The following RSRP1 variants were observed in gnomAD, a reference collection of about 807,000 sequenced individuals.
RSRP1 encodes the protein arginine/serine-rich protein 1.
A neutral mutation model predicts 33.0 loss-of-function variants in RSRP1; 37 were observed. That is an observed-to-expected ratio of 1.12 (90% CI 0.86 to 1.48). The LOEUF is 1.48. Among genes scored for constraint, RSRP1 ranks in the 40% most tolerant of loss-of-function variants. RSRP1 has a pLI of 0.00. For missense variants in RSRP1, 402 were observed against 385.3 expected, an observed-to-expected ratio of 1.04 and a Z score of -0.36; for synonymous variants, 167 against 158.7, an observed-to-expected ratio of 1.05 and a Z score of -0.40.
intron 1 of RSRP1, among the ~76,000 whole-genome samples, chr1:25,305,970 G>A (rs1643795455): frequency 7.6e-6 from 1 of 132,086 alleles, no homozygotes; most frequent in African/African-American, 2.6e-5. Flanking sequence ...TTGCATATGT[G>A]TCCACATCTG....
In RSRP1 at chr1:25,245,132, C is replaced by T; in HGVS notation, c.672+18G>A. 6 of 1,614,164 alleles carry T rather than the reference C, an allele frequency of 3.7e-6. No homozygotes were observed. The highest frequency in any genetic ancestry group is 4.2e-6 in the Non-Finnish European group (5 of 1,180,028). ...TGGCTTTCTGAAAGTTTTGTTCCGA[C>T]AAACCTAGAATACTTACTTCAGGCT... is the stretch of plus-strand genomic sequence containing the variant. On this transcript the variant is annotated intron_variant, in intron 3 of 4. Transcript: ENST00000243189.
chr1:25,262,654 T>G lies in RSRP1; in HGVS notation c.-66-15625A>C, dbSNP rs533531052. 8.5e-5 allele frequency among the ~76,000 whole-genome samples: 13 copies of G among 152,248 alleles called. No homozygotes were observed. The South Asian group carries it at 2.7e-3, about 32-fold the overall frequency. On this transcript the variant is annotated intron_variant, in intron 1 of 1. Transcript: ENST00000561867. ...AAAGCCTCAGAATCAGGAAAGCTGA[T>G]GATATAATTCTTAGCCCAAAGGCCT...
Position 25,276,524 on chromosome 1 carries a change from C to CG in RSRP1, c.-66-29496_-66-29495insC, listed in dbSNP as rs1553137917. Among the ~76,000 whole-genome samples, 30 of 56,922 alleles carry CG rather than the reference C, an allele frequency of 5.3e-4. 5 individuals carry two copies. The highest frequency in any genetic ancestry group is 2.3e-3 in the Admixed American group (13 of 5,574). 37.3% of individuals were successfully genotyped at this position (56,922 alleles called of 152,430 possible). ...CCTAGGAAACATAGGGAGACCCCCC[C>CG]CCATCTCTAAAAAAAAAAAAAAAAA... On this transcript the variant is annotated intron_variant, in intron 1 of 1. Coordinates refer to the RSRP1 transcript ENST00000561867.
At position 25,244,176 on chromosome 1, in the gene RSRP1, C is replaced by G. The variant is rs1428250301; in HGVS notation, c.673-543G>C. On this transcript the variant is annotated intron_variant, in intron 3 of 4. Transcript: ENST00000243189. ...CACATTTCTGGAGAATTATAATAAACTTATCTGCAAGTGAAGCAGGCCTCC... is the reference window on the plus strand; with the variant it reads ...CACATTTCTGGAGAATTATAATAAAGTTATCTGCAAGTGAAGCAGGCCTCC... The G allele has an allele frequency of 3.1e-6, 4 of 1,288,536 alleles. 1 individual carries two copies. Among genetic ancestry groups the G allele is most frequent in the Admixed American group, 4.6e-5 (2 of 43,396 alleles). The allele number at this position is 1,288,536 out of a possible 1,614,324, so 79.8% of individuals were successfully genotyped here. A position where few individuals can be genotyped will look rare whatever the true frequency, so the allele number is the denominator to read the frequency against.
chr1:25,246,741 T>C lies in RSRP1; in HGVS notation c.223A>G (p.Arg75Gly). Reference sequence around the variant, plus strand: ...CGCGAGTATGACCGCGAGTAGCGCCTGTACTTCCGCTGGTGGCGCCTTCGG... The same window carrying C: ...CGCGAGTATGACCGCGAGTAGCGCCCGTACTTCCGCTGGTGGCGCCTTCGG... ...RSRRRHQRKY[R>G]RYSRSYSRSR... Residue 75 changes from arginine (R) to glycine (G), a missense_variant, in exon 2 of 5, where the codon AGG (arginine) becomes GGG (glycine). Coordinates refer to ENST00000243189, the MANE Select transcript of RSRP1 (RefSeq NM_020317.5). 1 of 1,609,482 alleles carries C rather than the reference T, an allele frequency of 6.2e-7. No individual in the cohort carries two copies. Among genetic ancestry groups the C allele is most frequent in the Non-Finnish European group, 8.5e-7 (1 of 1,176,782 alleles).
In RSRP1 at chr1:25,329,037, C is replaced by T. The variant is rs760501886; in HGVS notation, c.-67+8941G>A. On this transcript the variant is annotated intron_variant, in intron 1 of 1. Coordinates refer to the RSRP1 transcript ENST00000561867. Reference sequence around the variant, plus strand: ...ATGACAGCAAAGTCTCCAATGTTCGCGCAGGCACTGGAGTCAGAGAAAATG... The same window carrying T: ...ATGACAGCAAAGTCTCCAATGTTCGTGCAGGCACTGGAGTCAGAGAAAATG... The T allele has an allele frequency of 5.8e-6, 8 of 1,376,870 alleles. 1 individual carries two copies. The highest frequency in any genetic ancestry group is 7.2e-6 in the Non-Finnish European group (7 of 977,538). The allele number at this position is 1,376,870 out of a possible 1,614,324, so 85.3% of individuals were successfully genotyped here.
intron 1 of RSRP1, among the ~76,000 whole-genome samples, chr1:25,309,583 T>C (rs1644031948): frequency 7.6e-6 from 1 of 132,322 alleles, no homozygotes; most frequent in East Asian, 1.9e-4. Flanking sequence ...TTTAATAGCA[T>C]CTCTGGAATG....
rs1290310025 is a variant in RSRP1, at chr1:25,274,094, A to C, written c.-66-27065T>G. Among the ~76,000 whole-genome samples, 3 of 132,850 alleles carry C rather than the reference A, an allele frequency of 2.3e-5. 1 individual carries two copies. The highest frequency in any genetic ancestry group is 5.4e-5 in the Non-Finnish European group (3 of 56,036). The allele number at this position is 132,850 out of a possible 152,430, so 87.2% of individuals were successfully genotyped here. On this transcript the variant is annotated intron_variant, in intron 1 of 1. Transcript: ENST00000561867. ...GACATCCAATGTGGGATCCAGACTC[A>C]TGATGATTAGAGCTGATATTTATGA...
At chr1:25,301,159 G>T (rs1248930002) in intron 1 of RSRP1, 2 of 1,311,836 alleles carry the variant, frequency 1.5e-6, no homozygotes, top group East Asian at 4.5e-5. Flanking sequence ...AAAAGGCTCT[G>T]GCTGAAAAAA....
In RSRP1 at chr1:25,307,731, TG is replaced by T. The variant is rs1394011240; in HGVS notation, c.-67+30246del. ...GTTTGGACGTGTCTCAGAGAAATCA[TG>T]GAGGCGCTGCGGTTCCTACCGGTTC... On this transcript the variant is annotated intron_variant, in intron 1 of 1. Transcript: ENST00000561867. The T allele has an allele frequency of 1.2e-5, 16 of 1,308,086 alleles. 4 individuals carry two copies. The Admixed American group carries it at 1.3e-4, about 10-fold the overall frequency. 81.0% of individuals were successfully genotyped at this position (1,308,086 alleles called of 1,614,324 possible).
rs71712758 is a variant in RSRP1, at chr1:25,257,597, A to ATTT, written c.-66-10571_-66-10569dup. On this transcript the variant is annotated intron_variant, in intron 1 of 1. Transcript: ENST00000561867. ...TTGGAAAATAAGGCTGGAGATGCAG[A>ATTT]TTTTTTTTTTTTTTTTTTTTTGAGT... is the stretch of plus-strand genomic sequence containing the variant. Among the ~76,000 whole-genome samples, 450 of 131,212 alleles carry ATTT rather than the reference A, an allele frequency of 3.4e-3. 7 individuals are homozygous for ATTT. Among genetic ancestry groups the ATTT allele is most frequent in the African/African-American group, 0.013 (429 of 34,240 alleles). 86.1% of individuals were successfully genotyped at this position (131,212 alleles called of 152,430 possible). A position where few individuals can be genotyped will look rare whatever the true frequency, so the allele number is the denominator to read the frequency against.
intron 1 of RSRP1, among the ~76,000 whole-genome samples, chr1:25,260,850 T>A (rs2124562133): frequency 1.3e-5 from 2 of 150,868 alleles, no homozygotes; most frequent in Admixed American, 1.3e-4. Flanking sequence ...CAGGCTGGAG[T>A]GCAGTGGCCC....
intron 1 of RSRP1, among the ~76,000 whole-genome samples, chr1:25,317,895 G>T (rs559156565): frequency 8.6e-6 from 1 of 115,958 alleles, no homozygotes; most frequent in East Asian, 2.0e-4. Flanking sequence ...GTGAGGAGCA[G>T]GCCCTTATAA....
chr1:25,333,991 GC>G (rs1353441183), intron 1 of RSRP1, among the ~76,000 whole-genome samples: 1 of 125,298 alleles, frequency 8.0e-6, no homozygotes, highest in Non-Finnish European at 1.9e-5. Context: ...TCCACCCATG[GC>G]CCCTCCCAAA....
At chr1:25,256,877 C>T (rs1639966300) in intron 1 of RSRP1, among the ~76,000 whole-genome samples, 1 of 152,160 alleles carries the variant, frequency 6.6e-6, no homozygotes, top group African/African-American at 2.4e-5. Context: ...TGAGTCCACT[C>T]ACTTGAACAG....
At chr1:25,250,632 T>C (rs566901341), upstream of RSRP1, among the ~76,000 whole-genome samples, 3 of 152,246 alleles carry the variant, frequency 2.0e-5, no homozygotes, top group Non-Finnish European at 4.4e-5. Flanking sequence ...GATGAGATTA[T>C]TCTGAAGTAT....
intron 1 of RSRP1, among the ~76,000 whole-genome samples, chr1:25,259,813 C>T (rs1385605468): frequency 2.0e-5 from 3 of 152,044 alleles, no homozygotes; most frequent in African/African-American, 7.2e-5. Flanking sequence ...CTATACTTCC[C>T]TTTTTGAATA....
chr1:25,256,421 G>A (rs919432841), intron 1 of RSRP1, among the ~76,000 whole-genome samples: 3 of 152,068 alleles, frequency 2.0e-5, no homozygotes, highest in Non-Finnish European at 4.4e-5. Flanking sequence ...AAAGCACTGC[G>A]ATTACAGGCA....
chr1:25,271,963 G>A (rs1304611497), intron 1 of RSRP1, among the ~76,000 whole-genome samples: 2 of 132,478 alleles, frequency 1.5e-5, no homozygotes, highest in Non-Finnish European at 3.6e-5. Flanking sequence ...TCAAATGTAA[G>A]TAATTTCAAC....
Sources: allele counts gnomAD v4.1 joint callset (sites outside exome capture counted in the v4.1 genomes callset), GRCh38; gene constraint gnomAD v4.1.1; transcripts MANE v1.5; gene names NCBI Gene and HGNC (gene_info 2026-07-23, HGNC 2026-07-21).